Variants in AKR1E2 observed in about 807,000 individuals in gnomAD.
AKR1E2 encodes 1,5-anhydro-D-fructose reductase.
In AKR1E2, 43 loss-of-function variants were observed where a neutral mutation model predicts 41.9. That is an observed-to-expected ratio of 1.03 (90% CI 0.80 to 1.32). AKR1E2 has a LOEUF of 1.32. AKR1E2 is among the 40% of genes most tolerant of loss of function. AKR1E2 has a pLI of 0.00. For missense variants in AKR1E2, 423 were observed against 396.5 expected (o/e 1.07, Z -0.57); for synonymous variants, 121 against 138.9 (o/e 0.87, Z 0.91).
chr10:4,827,153 T>C (rs1257387533), intron 1 of AKR1E2, among the ~76,000 whole-genome samples: 1 of 152,098 alleles, frequency 6.6e-6, no homozygotes, highest in Non-Finnish European at 1.5e-5. Flanking sequence ...GATCTCATGT[T>C]GTTCCCTGTT....
At chr10:4,846,609 G>A (rs888330573) in intron 8 of AKR1E2, among the ~76,000 whole-genome samples, 5 of 151,176 alleles carry the variant, frequency 3.3e-5, no homozygotes, top group Admixed American at 6.6e-5. Flanking sequence ...GCAGTGGTGC[G>A]ATCTCGGCTC....
intron 6 of AKR1E2, 95 bp from the exon 7 acceptor site, chr10:4,841,690 A>T: frequency 1.0e-6 from 1 of 981,210 alleles, no homozygotes; most frequent in Non-Finnish European, 1.4e-6. Flanking sequence ...ATCAGAAAAT[A>T]AATCTTTCAT....
chr10:4,849,653 G>A (rs974628181), downstream of AKR1E2, among the ~76,000 whole-genome samples: 2 of 152,232 alleles, frequency 1.3e-5, no homozygotes, highest in African/African-American at 2.4e-5. Context: ...GGTCAGCAAG[G>A]ACACAGTTGC....
rs144528510 is a variant in AKR1E2, at chr10:4,828,650, A to C, written c.40-2025A>C. 6.0e-4 allele frequency among the ~76,000 whole-genome samples: 92 copies of C among 152,306 alleles called. 1 individual carries two copies. In the East Asian group the frequency reaches 0.016, roughly 26 times the overall value. Reference sequence around the variant, plus strand: ...ACATTAAATCTGTAGACCAGCTTGGAGATAATTGACACCTTTGTAATGTTA... The same window carrying C: ...ACATTAAATCTGTAGACCAGCTTGGCGATAATTGACACCTTTGTAATGTTA... On this transcript the variant is annotated intron_variant, in intron 1 of 9. Coordinates refer to ENST00000298375, the MANE Select transcript of AKR1E2 (RefSeq NM_001040177.3).
At chr10:4,851,998 C>G (rs1834534118), downstream of AKR1E2, among the ~76,000 whole-genome samples, 1 of 152,168 alleles carries the variant, frequency 6.6e-6, no homozygotes, top group Non-Finnish European at 1.5e-5. Context: ...GAACACACAG[C>G]TCCGTTCCAT....
chr10:4,862,369 C>T, the AKR1E2 span, among the ~76,000 whole-genome samples: 3,609 of 152,260 alleles, frequency 0.024, 61 homozygotes, highest in East Asian at 0.072. Context: ...TAGTGTGATG[C>T]CTCCAGCTTT....
the AKR1E2 span, among the ~76,000 whole-genome samples, chr10:4,866,335 A>C: frequency 3.9e-5 from 6 of 152,214 alleles, no homozygotes; most frequent in Non-Finnish European, 8.8e-5. Flanking sequence ...GTTTTCTTTT[A>C]AATTAAACTG....
At chr10:4,866,302 G>A in the AKR1E2 span, among the ~76,000 whole-genome samples, 1 of 152,196 alleles carries the variant, frequency 6.6e-6, no homozygotes, top group Non-Finnish European at 1.5e-5. Context: ...GAGAGGACGC[G>A]TAGCACTGGA....
chr10:4,842,984 T>A (rs1834010386), intron 8 of AKR1E2, among the ~76,000 whole-genome samples: 1 of 152,194 alleles, frequency 6.6e-6, no homozygotes. Flanking sequence ...TCCTGTCTAG[T>A]GACTTCTGAG....
chr10:4,843,957 A>G (rs1456171650), intron 8 of AKR1E2, among the ~76,000 whole-genome samples: 1 of 152,202 alleles, frequency 6.6e-6, no homozygotes, highest in Non-Finnish European at 1.5e-5. Context: ...ATGGCTGCTG[A>G]CGGGCCTCTT....
At chr10:4,853,421 T>C in the AKR1E2 span, among the ~76,000 whole-genome samples, 8,880 of 149,890 alleles carry the variant, frequency 0.059, 309 homozygotes, top group Non-Finnish European at 0.069. Flanking sequence ...AATTGCAATA[T>C]TGCAATGAGG....
At chr10:4,846,426 G>A (rs764584107) in intron 8 of AKR1E2, among the ~76,000 whole-genome samples, 4 of 152,166 alleles carry the variant, frequency 2.6e-5, no homozygotes, top group South Asian at 4.1e-4. Flanking sequence ...TCTGTGATAT[G>A]GGTACTGTTA....
the AKR1E2 span, among the ~76,000 whole-genome samples, chr10:4,868,298 C>T: frequency 6.6e-5 from 10 of 152,106 alleles, no homozygotes; most frequent in East Asian, 1.7e-3. Flanking sequence ...TCTATATGGC[C>T]ATCCTGAGTC....
At chr10:4,837,111 C>T (rs1833491252) in intron 4 of AKR1E2, among the ~76,000 whole-genome samples, 1 of 152,188 alleles carries the variant, frequency 6.6e-6, no homozygotes, top group African/African-American at 2.4e-5. Context: ...GGAATAGGAA[C>T]AAGAAGAGCT....
At chr10:4,830,653 C>T (rs750831115) in intron 1 of AKR1E2, 22 bp from the exon 2 acceptor site, 4 of 1,612,302 alleles carry the variant, frequency 2.5e-6, no homozygotes, top group Non-Finnish European at 3.4e-6. Flanking sequence ...TGAGAAGACA[C>T]TTTGTTTTGT....
chr10:4,869,465 A>G, the AKR1E2 span, among the ~76,000 whole-genome samples: 2 of 151,782 alleles, frequency 1.3e-5, no homozygotes, highest in Non-Finnish European at 1.5e-5. Context: ...ATCTTTTCAA[A>G]CAACCAATTC....
At chr10:4,863,658 C>A in the AKR1E2 span, among the ~76,000 whole-genome samples, 1 of 151,866 alleles carries the variant, frequency 6.6e-6, no homozygotes, top group Admixed American at 6.6e-5. Flanking sequence ...TTCAAAAAAT[C>A]AATGAATCCA....
At chr10:4,846,347 A>G (rs1313471293) in intron 8 of AKR1E2, 2 of 163,498 alleles carry the variant, frequency 1.2e-5, no homozygotes, top group Non-Finnish European at 1.3e-5. Flanking sequence ...GGGGACAACA[A>G]AAGGGGAGGG....
chr10:4,826,189 A>G, upstream of AKR1E2: 3 of 610,052 alleles, frequency 4.9e-6, no homozygotes, highest in Admixed American at 1.3e-4. Context: ...GCTTCCAGCC[A>G]TTGTCGGAGT....
Sources: allele counts gnomAD v4.1 joint callset (sites outside exome capture counted in the v4.1 genomes callset), GRCh38; gene constraint gnomAD v4.1.1; transcripts MANE v1.5; gene names NCBI Gene and HGNC (gene_info 2026-07-23, HGNC 2026-07-21).